Variants in MTUS2 observed in about 807,000 individuals in gnomAD.
MTUS2 encodes microtubule associated scaffold protein 2, also known as microtubule-associated tumor suppressor candidate 2.
Under a neutral mutation model 114.1 loss-of-function variants are expected in MTUS2, and 40 were observed. The observed-to-expected ratio is 0.35, with a 90% confidence interval of 0.27 to 0.46. The LOEUF is 0.46. MTUS2 is among the 20% of genes least tolerant of loss of function. MTUS2 has a pLI of 1.00. For missense variants in MTUS2, 1,679 were observed against 1,705.4 expected (o/e 0.98, Z 0.27); for synonymous variants, 688 against 672.0 (o/e 1.02, Z -0.37).
At chr13:28,897,774 C>G (rs565663913) in intron 2 of MTUS2, among the ~76,000 whole-genome samples, 9 of 152,128 alleles carry the variant, frequency 5.9e-5, no homozygotes, top group Non-Finnish European at 1.0e-4. Flanking sequence ...AAGCTGGAAA[C>G]CATCGTTCTC....
intron 2 of MTUS2, among the ~76,000 whole-genome samples, chr13:28,994,530 G>A (rs1885004969): frequency 2.6e-5 from 4 of 152,152 alleles, no homozygotes; most frequent in Admixed American, 6.5e-5. Context: ...GTGTAAAAGT[G>A]TTCCTATTTC....
chr13:29,162,723 C>G (rs1397125884), intron 5 of MTUS2, among the ~76,000 whole-genome samples: 2 of 152,234 alleles, frequency 1.3e-5, no homozygotes, highest in Non-Finnish European at 2.9e-5. Flanking sequence ...CCACATGAGT[C>G]TAATTCAGAG....
intron 2 of MTUS2, among the ~76,000 whole-genome samples, chr13:28,873,556 C>G (rs543302772): frequency 6.6e-6 from 1 of 152,352 alleles, no homozygotes; most frequent in Admixed American, 6.5e-5. Context: ...TGCCTTAACA[C>G]TAGTGTTTAT....
In MTUS2 at chr13:29,226,767, T is replaced by G. The variant is rs537080053; in HGVS notation, c.2645-54937T>G. On this transcript the variant is annotated intron_variant, in intron 5 of 15. Transcript: ENST00000612955. ...CCTTTGAATAGCCAAAGGAAAAATA[T>G]TTGAATAAATAGAAATAATCAATAG... 2.6e-5 allele frequency among the ~76,000 whole-genome samples: 4 copies of G among 152,250 alleles called. No homozygotes were observed. The East Asian group carries it at 7.7e-4, about 29-fold the overall frequency.
At chr13:28,823,352 T>C (rs1394893370) in intron 1 of MTUS2, among the ~76,000 whole-genome samples, 2 of 152,234 alleles carry the variant, frequency 1.3e-5, no homozygotes, top group Non-Finnish European at 2.9e-5. Context: ...AGGCTTATAA[T>C]ATCTACCACA....
At chr13:29,023,002 T>A (rs958895994) in intron 2 of MTUS2, among the ~76,000 whole-genome samples, 2 of 152,228 alleles carry the variant, frequency 1.3e-5, no homozygotes, top group African/African-American at 2.4e-5. Flanking sequence ...GAAAGTCTTT[T>A]TTTAATTCTT....
At chr13:28,946,714 G>T (rs559346766) in intron 2 of MTUS2, among the ~76,000 whole-genome samples, 1 of 149,444 alleles carries the variant, frequency 6.7e-6, no homozygotes, top group East Asian at 2.0e-4. Context: ...AGACAACAGG[G>T]TTTTTTTTTT....
intron 2 of MTUS2, among the ~76,000 whole-genome samples, chr13:28,999,003 T>A (rs1261731409): frequency 6.6e-6 from 1 of 152,218 alleles, no homozygotes; most frequent in Non-Finnish European, 1.5e-5. Context: ...GCTCTGTTTT[T>A]TCCCCATCTT....
chr13:29,039,398 G>T (rs1403343926), intron 4 of MTUS2, among the ~76,000 whole-genome samples: 5 of 152,234 alleles, frequency 3.3e-5, no homozygotes, highest in Admixed American at 2.0e-4. Context: ...CGCGCGCCGG[G>T]CACCCTCTGG....
At chr13:28,935,463 CT>C (rs537100043) in intron 2 of MTUS2, among the ~76,000 whole-genome samples, 23 of 148,590 alleles carry the variant, frequency 1.5e-4, no homozygotes, top group South Asian at 2.2e-4. Flanking sequence ...TCACCAAAGC[CT>C]TTTTTTTTTC....
At chr13:28,941,160 T>C (rs1425119418) in intron 2 of MTUS2, among the ~76,000 whole-genome samples, 3 of 152,306 alleles carry the variant, frequency 2.0e-5, no homozygotes, top group South Asian at 4.1e-4. Flanking sequence ...TTCCAACTTT[T>C]TGGTCTTAGG....
chr13:29,285,923 G>C (rs1235898560), intron 6 of MTUS2, among the ~76,000 whole-genome samples: 3 of 152,254 alleles, frequency 2.0e-5, no homozygotes, highest in Non-Finnish European at 4.4e-5. Flanking sequence ...TGATATTAAG[G>C]AATTATTGTT....
At chr13:29,452,590 G>A (rs1318814987) in intron 9 of MTUS2, among the ~76,000 whole-genome samples, 2 of 137,660 alleles carry the variant, frequency 1.5e-5, no homozygotes, top group Admixed American at 7.1e-5. Flanking sequence ...GTGTGTGTGT[G>A]TGTGTGTGTG....
intron 2 of MTUS2, among the ~76,000 whole-genome samples, chr13:29,001,159 A>G (rs1017036429): frequency 1.3e-5 from 2 of 152,158 alleles, no homozygotes; most frequent in Non-Finnish European, 2.9e-5. Context: ...GATGCTTCTC[A>G]TAAGAACTTT....
intron 7 of MTUS2, among the ~76,000 whole-genome samples, chr13:29,335,566 C>G (rs974152325): frequency 2.6e-5 from 4 of 152,186 alleles, no homozygotes; most frequent in African/African-American, 9.7e-5. Context: ...GGTTTTGCGG[C>G]TTGGGGGGCA....
At chr13:29,308,596 A>G (rs1899596115) in intron 6 of MTUS2, among the ~76,000 whole-genome samples, 1 of 152,228 alleles carries the variant, frequency 6.6e-6, no homozygotes, top group Non-Finnish European at 1.5e-5. Context: ...AAAAGAAACC[A>G]TCATCAGAGT....
chr13:29,481,195 T>A (rs1396914261), intron 10 of MTUS2, among the ~76,000 whole-genome samples: 1 of 152,194 alleles, frequency 6.6e-6, no homozygotes, highest in African/African-American at 2.4e-5. Context: ...CCCAGAAACC[T>A]TACTGGAGAG....
At chr13:28,910,525 C>T (rs557338580) in intron 2 of MTUS2, among the ~76,000 whole-genome samples, 111 of 152,202 alleles carry the variant, frequency 7.3e-4, no homozygotes, top group Non-Finnish European at 1.3e-3. Flanking sequence ...TCTTTCTTTT[C>T]CTGATGCTCT....
At chr13:29,362,376 C>T (rs146559071) in intron 8 of MTUS2, among the ~76,000 whole-genome samples, 123 of 152,264 alleles carry the variant, frequency 8.1e-4, no homozygotes, top group Non-Finnish European at 1.5e-3. Flanking sequence ...ATTTTACTCT[C>T]AAGTGGGAGA....
Sources: gnomAD v4.1 joint callset for allele counts (sites outside exome capture counted in the v4.1 genomes callset) on GRCh38, gnomAD v4.1.1 for gene constraint, MANE v1.5 for transcripts, NCBI Gene and HGNC (gene_info 2026-07-23, HGNC 2026-07-21) for gene names.